FAM110B: variants seen among roughly 807,000 people sequenced by gnomAD.
FAM110B encodes family with sequence similarity 110 member B, also known as protein FAM110B.
A neutral mutation model predicts 20.4 loss-of-function variants in FAM110B; 6 were observed. That is an observed-to-expected ratio of 0.29 (90% CI 0.16 to 0.58). FAM110B has a LOEUF of 0.58. Ranked by LOEUF, FAM110B falls within the 20% of genes least tolerant of loss-of-function variation. The pLI is 0.90. For synonymous variants in FAM110B, 226 were observed against 214.1 expected (o/e 1.06, Z -0.49); for missense variants, 434 against 498.2 (o/e 0.87, Z 1.23).
intron 3 of FAM110B, among the ~76,000 whole-genome samples, chr8:58,130,670 T>A (rs1165343970): frequency 6.6e-6 from 1 of 152,224 alleles, no homozygotes; most frequent in African/African-American, 2.4e-5. Flanking sequence ...AGCGTGAGTA[T>A]AAATTGAATG....
chr8:58,099,806 T>C (rs746955892), intron 3 of FAM110B, among the ~76,000 whole-genome samples: 23 of 152,222 alleles, frequency 1.5e-4, no homozygotes, highest in Non-Finnish European at 3.1e-4. Context: ...TAATGTGCAT[T>C]TTCTACTATG....
chr8:58,093,723 C>G (rs560198563), intron 3 of FAM110B, among the ~76,000 whole-genome samples: 1 of 152,300 alleles, frequency 6.6e-6, no homozygotes, highest in South Asian at 2.1e-4. Context: ...ATTGTCTTGG[C>G]TATGCGGGCT....
At chr8:58,021,547 A>G (rs138512032) in intron 1 of FAM110B, among the ~76,000 whole-genome samples, 223 of 152,230 alleles carry the variant, frequency 1.5e-3, no homozygotes, top group African/African-American at 5.1e-3. Flanking sequence ...CATGTACTGT[A>G]TCAATGTTGT....
intron 1 of FAM110B, among the ~76,000 whole-genome samples, chr8:58,019,295 A>C (rs1296173961): frequency 7.0e-6 from 1 of 142,036 alleles, no homozygotes; most frequent in Non-Finnish European, 1.5e-5. Context: ...CCAAGATCAC[A>C]CCACTGCACT....
At chr8:58,028,853 T>C (rs185026766) in intron 1 of FAM110B, among the ~76,000 whole-genome samples, 39 of 152,306 alleles carry the variant, frequency 2.6e-4, no homozygotes, top group African/African-American at 7.9e-4. Context: ...TCAGTTCACA[T>C]TCCCCAGGAA....
At chr8:58,136,809 T>C (rs1167093990) in intron 3 of FAM110B, among the ~76,000 whole-genome samples, 1 of 152,196 alleles carries the variant, frequency 6.6e-6, no homozygotes, top group Non-Finnish European at 1.5e-5. Context: ...ACGAAAACAT[T>C]TTAAAAGAAA....
chr8:58,066,734 A>G (rs884136), intron 2 of FAM110B, among the ~76,000 whole-genome samples: 7,432 of 152,000 alleles, frequency 0.049, 220 homozygotes, highest in South Asian at 0.11. Context: ...TGCGTTGACT[A>G]GGGAGCGGAT....
chr8:58,082,862 A>G (rs944945555), intron 3 of FAM110B, among the ~76,000 whole-genome samples: 1 of 128,298 alleles, frequency 7.8e-6, no homozygotes, highest in Non-Finnish European at 1.6e-5. Context: ...TTTTTTTTTT[A>G]AATGAGCATG....
rs1476061803 is a variant in FAM110B at position 58,094,896 on chromosome 8, TA to T, written c.-325+19274del. Among the ~76,000 whole-genome samples, 16 of 152,200 alleles carry T rather than the reference TA, an allele frequency of 1.1e-4. 1 individual carries two copies. Among genetic ancestry groups the T allele is most frequent in the Admixed American group, 1.0e-3 (16 of 15,278 alleles). On this transcript the variant is annotated intron_variant, in intron 3 of 3. Transcript: ENST00000519262. Reference sequence around the variant, plus strand: ...CTTGTCTTGGATTTTTTTTGGTTGGTAGGCTATTAATTACTGCCTCAGTTTC... The same window carrying T: ...CTTGTCTTGGATTTTTTTTGGTTGGTGGCTATTAATTACTGCCTCAGTTTC...
intron 3 of FAM110B, among the ~76,000 whole-genome samples, chr8:58,114,913 G>C (rs1807161444): frequency 6.6e-6 from 1 of 152,094 alleles, no homozygotes; most frequent in South Asian, 2.1e-4. Flanking sequence ...GTTGCCCTCT[G>C]ATGAAGGGCA....
intron 3 of FAM110B, among the ~76,000 whole-genome samples, chr8:58,134,503 G>T (rs74863578): frequency 2.0e-5 from 3 of 152,178 alleles, no homozygotes; most frequent in African/African-American, 7.2e-5. Flanking sequence ...CATTTTCATT[G>T]GGCCTTTACA....
At chr8:58,037,320 T>C (rs1585831026) in intron 2 of FAM110B, among the ~76,000 whole-genome samples, 1 of 151,876 alleles carries the variant, frequency 6.6e-6, no homozygotes, top group African/African-American at 2.4e-5. Flanking sequence ...TGTTTGTTTG[T>C]TTGTTTGTTT....
At chr8:58,040,404 C>T (rs72660382) in intron 2 of FAM110B, among the ~76,000 whole-genome samples, 9 of 152,284 alleles carry the variant, frequency 5.9e-5, no homozygotes, top group African/African-American at 1.2e-4. Context: ...ATGCGCATGG[C>T]GGCTGCTCTC....
rs184441276 is a variant in FAM110B at position 58,094,616 on chromosome 8, A to T, written c.-325+18993A>T. ...GATGAAGCCTACCTGATCGTGATGG[A>T]TAAGCTTTTTGATGTGCTGCCAGAT... On this transcript the variant is annotated intron_variant, in intron 3 of 3. Transcript: ENST00000519262. 6.8e-4 allele frequency among the ~76,000 whole-genome samples: 104 copies of T among 152,324 alleles called. 1 individual carries two copies. In the East Asian group the frequency reaches 8.9e-3, roughly 13 times the overall value.
intron 2 of FAM110B, among the ~76,000 whole-genome samples, chr8:58,075,333 G>A (rs1806011905): frequency 6.7e-6 from 1 of 149,790 alleles, no homozygotes; most frequent in South Asian, 2.1e-4. Context: ...TGGGCAGGCT[G>A]GTTTCCAACT....
intron 3 of FAM110B, among the ~76,000 whole-genome samples, chr8:58,119,873 G>T (rs1437248293): frequency 6.6e-6 from 1 of 152,150 alleles, no homozygotes; most frequent in Non-Finnish European, 1.5e-5. Context: ...ATCTGGTAAG[G>T]TTGGTTATTA....
At chr8:58,059,013 G>C (rs1395544632) in intron 2 of FAM110B, among the ~76,000 whole-genome samples, 1 of 152,146 alleles carries the variant, frequency 6.6e-6, no homozygotes, top group Admixed American at 6.5e-5. Flanking sequence ...TCGTGAGTTA[G>C]TTGTATTAAA....
chr8:58,017,875 T>C (rs1182058111), intron 1 of FAM110B, among the ~76,000 whole-genome samples: 1 of 152,144 alleles, frequency 6.6e-6, no homozygotes. Context: ...AGACTGGTAA[T>C]AATGTCATGA....
At chr8:58,029,101 G>A (rs564305387) in intron 1 of FAM110B, among the ~76,000 whole-genome samples, 2 of 152,322 alleles carry the variant, frequency 1.3e-5, no homozygotes, top group East Asian at 3.9e-4. Flanking sequence ...GCTGACCTGG[G>A]TGACCCAAGT....
Sources: allele counts gnomAD v4.1 joint callset (sites outside exome capture counted in the v4.1 genomes callset), GRCh38; gene constraint gnomAD v4.1.1; transcripts MANE v1.5; gene names NCBI Gene and HGNC (gene_info 2026-07-23, HGNC 2026-07-21).